The following ZBTB1 variants were observed in gnomAD, a reference collection of about 807,000 sequenced individuals.
ZBTB1 encodes the protein zinc finger and BTB domain containing 1.
In ZBTB1, 13 loss-of-function variants were observed where a neutral mutation model predicts 51.6. That is an observed-to-expected ratio of 0.25 (90% CI 0.16 to 0.40). The LOEUF is 0.40. Among genes scored for constraint, ZBTB1 ranks in the 10% least tolerant of loss-of-function variants. The pLI is 1.00. For missense variants in ZBTB1, 567 were observed against 856.5 expected (o/e 0.66, Z 4.22); for synonymous variants, 240 against 282.2 (o/e 0.85, Z 1.50).
At chr14:64,503,988 G>A (rs934900793), upstream of ZBTB1, 2 of 152,226 alleles carry the variant, frequency 1.3e-5, no homozygotes, top group African/African-American at 4.8e-5. Flanking sequence ...GGAAGCATAG[G>A]GACAAGCCTG....
At chr14:64,508,520 AAT>A (rs1378322944) in intron 1 of ZBTB1, among the ~76,000 whole-genome samples, 2 of 152,200 alleles carry the variant, frequency 1.3e-5, no homozygotes, top group Non-Finnish European at 2.9e-5. Context: ...CACTTCAGCT[AAT>A]AGTCATATTC....
chr14:64,521,910 AG>A lies in ZBTB1; in HGVS notation c.407del (p.Ser136ThrfsTer3). On this transcript the variant is annotated frameshift_variant, in exon 2 of 2. Transcript: ENST00000683701. LOFTEE classifies it high-confidence loss of function. ...CSSSASSKQN[S>X]KMIFGVRMYE... ...CTCTTCTGCTTCCAGCAAACAGAAC[AG>A]CAAAATGATATTTGGGGTAAGAATG... 6.2e-7 allele frequency: 1 copy of A among 1,614,204 alleles called. No homozygotes were observed. Among genetic ancestry groups the A allele is most frequent in the Non-Finnish European group, 8.5e-7 (1 of 1,180,046 alleles).
downstream of ZBTB1, among the ~76,000 whole-genome samples, chr14:64,529,367 C>T (rs77512602): frequency 0.018 from 2,729 of 152,232 alleles, 40 homozygotes; most frequent in Middle Eastern, 0.034. Context: ...GGTTATAAGA[C>T]TGTTGAGTTG....
At chr14:64,519,120 A>G (rs1433853392) in intron 1 of ZBTB1, among the ~76,000 whole-genome samples, 3 of 147,760 alleles carry the variant, frequency 2.0e-5, no homozygotes, top group Non-Finnish European at 3.0e-5. Context: ...TTTTTATTCT[A>G]TATGCCTCTA....
upstream of ZBTB1, chr14:64,504,727 G>C (rs542469968): frequency 5.9e-5 from 22 of 374,140 alleles, no homozygotes; most frequent in Non-Finnish European, 9.5e-5. Context: ...GGCCGGCTCA[G>C]TGCGGTGCGG....
At chr14:64,507,121 TA>T (rs896597267) in intron 1 of ZBTB1, among the ~76,000 whole-genome samples, 1 of 152,230 alleles carries the variant, frequency 6.6e-6, no homozygotes, top group Admixed American at 6.5e-5. Context: ...GAGAGGAAAC[TA>T]TTTGGTATAG....
chr14:64,510,215 C>T (rs1201871080), intron 1 of ZBTB1, among the ~76,000 whole-genome samples: 1 of 152,174 alleles, frequency 6.6e-6, no homozygotes, highest in Non-Finnish European at 1.5e-5. Context: ...GAGAGATATA[C>T]TTAACAATAA....
chr14:64,524,663 AAGT>A lies in ZBTB1; in HGVS notation c.*1020_*1022del, dbSNP rs879484811. ...AATTATAAACCTGGTTGTTCTATAA[AAGT>A]AGAGTGCACAAAAAAATGTCTTGTG... is the stretch of plus-strand genomic sequence containing the variant. On this transcript the variant is annotated 3_prime_UTR_variant, in exon 2 of 2. Coordinates refer to ENST00000683701, the MANE Select transcript of ZBTB1 (RefSeq NM_001123329.2). 72 of 984,940 alleles carry A rather than the reference AAGT, an allele frequency of 7.3e-5. No individual in the cohort carries two copies. Among genetic ancestry groups the A allele is most frequent in the Admixed American group, 2.5e-4 (4 of 16,264 alleles). The allele number at this position is 984,940 out of a possible 1,614,324, so 61.0% of individuals were successfully genotyped here.
chr14:64,522,028 C>G lies in ZBTB1; in HGVS notation c.524C>G (p.Ala175Gly). ...STVNTPHNRE[A>G]DEESLQLGNF... ...GTAAATACACCACATAATAGAGAGG[C>G]TGATGAAGAGTCTTTACAATTAGGT... Residue 175 changes from alanine to glycine, a missense_variant, in exon 2 of 2, where the codon GCT becomes GGT. Physicochemically the swap from Ala to Gly is moderately conservative, Grantham distance 60 (BLOSUM62 0). This residue lies in a region of ZBTB1 where 74 missense variants were observed against 74.9 expected (regional missense o/e 0.99). Transcript: ENST00000683701. 1.2e-6 allele frequency: 2 copies of G among 1,614,172 alleles called. No individual in the cohort carries two copies. The highest frequency in any genetic ancestry group is 1.7e-6 in the Non-Finnish European group (2 of 1,180,038).
intron 1 of ZBTB1, among the ~76,000 whole-genome samples, chr14:64,509,046 G>A (rs906281597): frequency 6.6e-6 from 1 of 152,154 alleles, no homozygotes; most frequent in Non-Finnish European, 1.5e-5. Flanking sequence ...GCACAGAAGA[G>A]GCATCTGCCT....
chr14:64,508,787 A>G (rs531593367), intron 1 of ZBTB1, among the ~76,000 whole-genome samples: 138 of 152,292 alleles, frequency 9.1e-4, no homozygotes, highest in Non-Finnish European at 1.6e-3. Flanking sequence ...TGATTGAAAT[A>G]AACAAAAAAT....
Position 64,521,955 on chromosome 14 carries a change from C to G in ZBTB1, c.451C>G (p.Arg151Gly). The G allele has an allele frequency of 6.2e-7, 1 of 1,614,128 alleles. No homozygotes were observed. Among genetic ancestry groups the G allele is most frequent in the Non-Finnish European group, 8.5e-7 (1 of 1,180,042 alleles). Residue 151 changes from arginine to glycine, a missense_variant, in exon 2 of 2, where the codon CGA becomes GGA. Around this residue, in one of 5 missense-constraint regions of ZBTB1, gnomAD observed 74 missense variants for 74.9 expected, o/e 0.99. Coordinates refer to ENST00000683701, the MANE Select transcript of ZBTB1 (RefSeq NM_001123329.2). ...AAGAATGTATGAAGATACTGTGGCT[C>G]GAAATGGCAATGAAGCCAACAGGTG... ...GVRMYEDTVA[R>G]NGNEANRWCA...
intron 1 of ZBTB1, among the ~76,000 whole-genome samples, chr14:64,509,899 C>A (rs1240196176): frequency 6.6e-6 from 1 of 151,610 alleles, no homozygotes; most frequent in East Asian, 1.9e-4. Context: ...ATGGCGTGAA[C>A]CTGGGAGGCG....
At chr14:64,513,850 G>C (rs1300700046) in intron 1 of ZBTB1, among the ~76,000 whole-genome samples, 1 of 152,060 alleles carries the variant, frequency 6.6e-6, no homozygotes, top group African/African-American at 2.4e-5. Context: ...TGTAGAGACA[G>C]AGTTTCACCA....
At chr14:64,532,205 T>C (rs988810161) in exon 3 of ZBTB1, 8 of 228,134 alleles carry the variant, frequency 3.5e-5, no homozygotes, top group Non-Finnish European at 5.9e-5. Context: ...AAACTTTATA[T>C]GCTAATTATC....
chr14:64,515,092 CT>C (rs1048538021), intron 1 of ZBTB1, among the ~76,000 whole-genome samples: 3 of 152,188 alleles, frequency 2.0e-5, no homozygotes, highest in South Asian at 4.1e-4. Flanking sequence ...CAGTATAAAA[CT>C]TTTTGGATCA....
At chr14:64,515,698 T>C (rs1596691623) in intron 1 of ZBTB1, among the ~76,000 whole-genome samples, 1 of 152,018 alleles carries the variant, frequency 6.6e-6, no homozygotes, top group East Asian at 1.9e-4. Context: ...TTTTTTGTAT[T>C]TTTAGTAGAG....
intron 1 of ZBTB1, chr14:64,514,064 A>G (rs1479231235): frequency 6.6e-6 from 1 of 152,182 alleles, no homozygotes; most frequent in East Asian, 1.9e-4. Flanking sequence ...CTCCATTTCA[A>G]TGCTCTATCC....
intron 1 of ZBTB1, among the ~76,000 whole-genome samples, chr14:64,519,178 C>T (rs1359884316): frequency 4.2e-5 from 6 of 143,136 alleles, no homozygotes; most frequent in Admixed American, 2.1e-4. Flanking sequence ...GATGGAGTCT[C>T]GTTCTTGTCA....
Sources: gnomAD v4.1 joint callset for allele counts (sites outside exome capture counted in the v4.1 genomes callset) on GRCh38, gnomAD v4.1.1 for gene constraint, gnomAD v4.1.1 regional missense constraint, MANE v1.5 for transcripts, NCBI Gene and HGNC (gene_info 2026-07-23, HGNC 2026-07-21) for gene names.